The following PHF24 variants were observed in gnomAD, a reference collection of about 807,000 sequenced individuals.
PHF24 encodes PHD finger protein 24.
In PHF24, 25 loss-of-function variants were observed where a neutral mutation model predicts 42.6. The ratio of observed to expected loss-of-function variants is 0.59; its 90% CI spans 0.43 to 0.82. The LOEUF is 0.82. PHF24 is among the 40% of genes least tolerant of loss of function. PHF24 has a pLI of 0.00. For synonymous variants in PHF24, 185 were observed against 204.8 expected (o/e 0.90, Z 0.83); for missense variants, 470 against 538.1 (o/e 0.87, Z 1.25).
At chr9:34,870,602 C>T in the PHF24 span, among the ~76,000 whole-genome samples, 2 of 145,210 alleles carry the variant, frequency 1.4e-5, no homozygotes, top group African/African-American at 5.1e-5. Flanking sequence ...GACAGGGTCT[C>T]ATCCACCCAG....
chr9:34,700,509 A>G, the PHF24 span, among the ~76,000 whole-genome samples: 1 of 152,180 alleles, frequency 6.6e-6, no homozygotes, highest in Non-Finnish European at 1.5e-5. Context: ...CTTGGATATA[A>G]TTTTAGTTAA....
chr9:34,779,118 T>C, the PHF24 span, among the ~76,000 whole-genome samples: 1 of 152,076 alleles, frequency 6.6e-6, no homozygotes, highest in Non-Finnish European at 1.5e-5. Flanking sequence ...AAGGGAGTTA[T>C]AGTGATAAAC....
chr9:34,697,026 C>A, the PHF24 span, among the ~76,000 whole-genome samples: 1 of 152,136 alleles, frequency 6.6e-6, no homozygotes, highest in Non-Finnish European at 1.5e-5. Flanking sequence ...ATCCCAGGAA[C>A]CAGTGAGGAC....
chr9:34,828,371 C>T, the PHF24 span, among the ~76,000 whole-genome samples: 1 of 152,118 alleles, frequency 6.6e-6, no homozygotes, highest in Admixed American at 6.5e-5. Context: ...CCCTCTTTTC[C>T]TCATCAGTTT....
chr9:34,945,406 G>A, the PHF24 span, among the ~76,000 whole-genome samples: 7 of 152,306 alleles, frequency 4.6e-5, 1 homozygote, highest in South Asian at 1.5e-3. Flanking sequence ...AGAAGGCTGG[G>A]AGAGCTATCA....
At chr9:34,917,217 C>A in the PHF24 span, 1 of 1,431,080 alleles carries the variant, frequency 7.0e-7, no homozygotes, top group Non-Finnish European at 9.8e-7. Context: ...AGGCATCAAG[C>A]AGGTGTACAT....
the PHF24 span, chr9:34,709,586 G>A: frequency 1.2e-6 from 2 of 1,614,188 alleles, no homozygotes; most frequent in Non-Finnish European, 1.7e-6. Context: ...GTTTCTGTGG[G>A]GATGGTGTCT....
the PHF24 span, among the ~76,000 whole-genome samples, chr9:34,839,447 C>A: frequency 6.6e-6 from 1 of 152,294 alleles, no homozygotes; most frequent in East Asian, 1.9e-4. Flanking sequence ...CTCATCACTC[C>A]TATACTCTGC....
At chr9:34,822,644 T>C in the PHF24 span, among the ~76,000 whole-genome samples, 1 of 152,200 alleles carries the variant, frequency 6.6e-6, no homozygotes, top group South Asian at 2.1e-4. Flanking sequence ...TTGCAATGGA[T>C]GACAGTTTCC....
chr9:34,812,793 A>G, the PHF24 span, among the ~76,000 whole-genome samples: 2 of 152,206 alleles, frequency 1.3e-5, no homozygotes, highest in Non-Finnish European at 2.9e-5. Flanking sequence ...GAACACTTGC[A>G]CTTCGTAAAG....
the PHF24 span, among the ~76,000 whole-genome samples, chr9:34,807,189 G>T: frequency 1.3e-5 from 2 of 152,150 alleles, no homozygotes; most frequent in African/African-American, 2.4e-5. Flanking sequence ...TTTAATAGGT[G>T]CCCTTTATCA....
the PHF24 span, chr9:34,690,008 C>T: frequency 3.7e-6 from 6 of 1,613,896 alleles, no homozygotes; most frequent in African/African-American, 1.3e-5. Context: ...GCTGGCGGCC[C>T]CTCAGTGTGG....
chr9:34,773,426 T>TAA, the PHF24 span, among the ~76,000 whole-genome samples: 3 of 141,526 alleles, frequency 2.1e-5, no homozygotes, highest in Non-Finnish European at 1.5e-5. Flanking sequence ...AAACAAGTGC[T>TAA]AAAAAAAAAA....
chr9:34,929,772 T>C, the PHF24 span, among the ~76,000 whole-genome samples: 1 of 152,210 alleles, frequency 6.6e-6, no homozygotes, highest in East Asian at 1.9e-4. Flanking sequence ...TATTCAAATT[T>C]GTGATCAGCC....
chr9:34,858,391 A>C, the PHF24 span, among the ~76,000 whole-genome samples: 12 of 152,070 alleles, frequency 7.9e-5, no homozygotes, highest in African/African-American at 2.9e-4. Flanking sequence ...TAGGTCTGGC[A>C]CCTGGGTCCA....
the PHF24 span, among the ~76,000 whole-genome samples, chr9:34,921,137 C>A: frequency 6.6e-6 from 1 of 151,430 alleles, no homozygotes; most frequent in South Asian, 2.1e-4. Flanking sequence ...GTCATATATG[C>A]CTTTTATTTT....
chr9:34,853,276 G>A, the PHF24 span, among the ~76,000 whole-genome samples: 1 of 152,168 alleles, frequency 6.6e-6, no homozygotes, highest in African/African-American at 2.4e-5. Context: ...ATTAATTTGT[G>A]TATTTTGAAC....
the PHF24 span, among the ~76,000 whole-genome samples, chr9:34,685,319 A>G: frequency 6.6e-6 from 1 of 152,070 alleles, no homozygotes; most frequent in African/African-American, 2.4e-5. Flanking sequence ...CTGTAGCCCA[A>G]TCCCCTTCTC....
At chr9:34,721,638 T>C in the PHF24 span, among the ~76,000 whole-genome samples, 1 of 152,320 alleles carries the variant, frequency 6.6e-6, no homozygotes, top group South Asian at 2.1e-4. Flanking sequence ...CTCGAACTCT[T>C]GACCTCAGGT....
Sources: gnomAD v4.1 joint callset for allele counts (sites outside exome capture counted in the v4.1 genomes callset) on GRCh38, gnomAD v4.1.1 for gene constraint, MANE v1.5 for transcripts, NCBI Gene and HGNC (gene_info 2026-07-23, HGNC 2026-07-21) for gene names.